Variants in RPH3A observed in about 807,000 individuals in gnomAD.
RPH3A encodes the protein rabphilin-3A.
In RPH3A, 48 loss-of-function variants were observed where a neutral mutation model predicts 102.2. The observed-to-expected ratio is 0.47, with a 90% CI of 0.37 to 0.60. The LOEUF (loss-of-function observed/expected upper bound fraction) is 0.60. RPH3A is among the 20% of genes least tolerant of loss of function. RPH3A has a pLI of 0.00. For synonymous variants in RPH3A, 310 were observed against 324.3 expected, an observed-to-expected ratio of 0.96 and a Z score of 0.47; for missense variants, 781 against 910.1, an observed-to-expected ratio of 0.86 and a Z score of 1.83.
chr12:112,873,064 C>G (rs1290283012), intron 10 of RPH3A, among the ~76,000 whole-genome samples: 5 of 152,200 alleles, frequency 3.3e-5, no homozygotes, highest in African/African-American at 9.7e-5. Flanking sequence ...AATTTTATCT[C>G]TTGCTCATCA....
At chr12:112,690,031 G>A (rs1044232530) in intron 1 of RPH3A, among the ~76,000 whole-genome samples, 1 of 152,084 alleles carries the variant, frequency 6.6e-6, no homozygotes. Context: ...GAATATTTTA[G>A]TTTTCTTCCA....
intron 2 of RPH3A, among the ~76,000 whole-genome samples, chr12:112,811,347 C>T (rs2041571722): frequency 6.6e-6 from 1 of 152,078 alleles, no homozygotes; most frequent in Admixed American, 6.6e-5. Context: ...AGCATGAGGC[C>T]TTTATTCAGT....
At chr12:112,674,059 T>C (rs571354045) in intron 1 of RPH3A, among the ~76,000 whole-genome samples, 1 of 152,288 alleles carries the variant, frequency 6.6e-6, no homozygotes, top group South Asian at 2.1e-4. Flanking sequence ...GCACTCAGCC[T>C]ATTTTTTAAT....
intron 2 of RPH3A, among the ~76,000 whole-genome samples, chr12:112,800,882 C>T (rs932546570): frequency 1.3e-5 from 2 of 152,148 alleles, no homozygotes; most frequent in African/African-American, 4.8e-5. Flanking sequence ...TGTGCAGAGT[C>T]AAGGCCGTTC....
At chr12:112,809,940 G>A (rs2041540105) in intron 2 of RPH3A, among the ~76,000 whole-genome samples, 1 of 152,120 alleles carries the variant, frequency 6.6e-6, no homozygotes, top group African/African-American at 2.4e-5. Flanking sequence ...TAACCACAAT[G>A]CCTCCTCCTG....
chr12:112,845,716 T>C (rs2042218221), intron 4 of RPH3A, among the ~76,000 whole-genome samples: 1 of 152,198 alleles, frequency 6.6e-6, no homozygotes, highest in South Asian at 2.1e-4. Context: ...TGTCAGAGAA[T>C]GATCTAAATG....
In RPH3A at chr12:112,626,562, G is replaced by A. The variant is rs2039768303; in HGVS notation, c.-140+51243G>A. ...ATCATTAAAAAGTCAGGAAACAACA[G>A]GTGCTGGAGAGGATATGGAGAAATA... On this transcript the variant is annotated intron_variant, in intron 1 of 21. Transcript: ENST00000543106. Among the ~76,000 whole-genome samples, 8 of 148,202 alleles carry A rather than the reference G, an allele frequency of 5.4e-5. No homozygotes were observed. The South Asian group carries it at 1.8e-3, about 33-fold the overall frequency.
chr12:112,688,279 T>C (rs2040281776), intron 1 of RPH3A, among the ~76,000 whole-genome samples: 1 of 152,308 alleles, frequency 6.6e-6, no homozygotes, highest in East Asian at 1.9e-4. Context: ...CAGGATTATG[T>C]CAAAATGTTG....
intron 1 of RPH3A, among the ~76,000 whole-genome samples, chr12:112,683,189 A>C (rs148261958): frequency 7.2e-5 from 11 of 152,308 alleles, no homozygotes; most frequent in Admixed American, 6.5e-4. Context: ...TTACGGGCCG[A>C]ACTGGGATCT....
At chr12:112,847,564 C>A in intron 4 of RPH3A, 132 bp from the exon 5 acceptor site, 1 of 985,308 alleles carries the variant, frequency 1.0e-6, no homozygotes, top group Non-Finnish European at 1.5e-6. Flanking sequence ...TGTCCCATTG[C>A]AGAGAGGAGC....
chr12:112,598,343 AG>A, intron 1 of RPH3A, among the ~76,000 whole-genome samples: 1 of 152,314 alleles, frequency 6.6e-6, no homozygotes, highest in Middle Eastern at 3.4e-3. Context: ...CAGTGTGCAA[AG>A]AAAGGTGTTA....
chr12:112,695,796 C>T (rs2040346928), intron 1 of RPH3A, among the ~76,000 whole-genome samples: 1 of 152,176 alleles, frequency 6.6e-6, no homozygotes, highest in African/African-American at 2.4e-5. Flanking sequence ...CATCTCTATC[C>T]CAGGAGACCT....
At chr12:112,621,576 G>A (rs1592911786) in intron 1 of RPH3A, among the ~76,000 whole-genome samples, 1 of 149,016 alleles carries the variant, frequency 6.7e-6, no homozygotes, top group South Asian at 2.2e-4. Context: ...GAGTCTCTCT[G>A]ATTGCTAGCA....
chr12:112,732,292 T>C (rs1367502526), intron 1 of RPH3A, among the ~76,000 whole-genome samples: 1 of 152,196 alleles, frequency 6.6e-6, no homozygotes. Flanking sequence ...AGGTGGAGGA[T>C]GAACACGCTC....
chr12:112,747,919 G>C (rs932807776), intron 1 of RPH3A, among the ~76,000 whole-genome samples: 7 of 152,198 alleles, frequency 4.6e-5, no homozygotes, highest in African/African-American at 1.4e-4. Context: ...GCAGCCAGGA[G>C]CCCCTTCTTG....
intron 2 of RPH3A, among the ~76,000 whole-genome samples, chr12:112,814,251 A>C (rs763761934): frequency 3.3e-5 from 5 of 151,994 alleles, no homozygotes; most frequent in Non-Finnish European, 5.9e-5. Flanking sequence ...TTCCTGCTTG[A>C]TCACAGGGTC....
At chr12:112,871,747 A>G (rs978953958) in intron 10 of RPH3A, among the ~76,000 whole-genome samples, 2 of 149,192 alleles carry the variant, frequency 1.3e-5, no homozygotes, top group Admixed American at 1.3e-4. Flanking sequence ...TATATATACA[A>G]TAGAATATAT....
intron 1 of RPH3A, among the ~76,000 whole-genome samples, chr12:112,612,927 C>T (rs1455242989): frequency 6.6e-6 from 1 of 152,000 alleles, no homozygotes; most frequent in East Asian, 1.9e-4. Context: ...CCAAAGAGAG[C>T]ACCCAGGTAT....
chr12:112,787,973 A>G (rs2041062678), upstream of RPH3A, among the ~76,000 whole-genome samples: 1 of 152,240 alleles, frequency 6.6e-6, no homozygotes, highest in African/African-American at 2.4e-5. Context: ...CTATCATTGA[A>G]TGAAGCCTCG....
Sources: allele counts gnomAD v4.1 joint callset (sites outside exome capture counted in the v4.1 genomes callset), GRCh38; gene constraint gnomAD v4.1.1; transcripts MANE v1.5; gene names NCBI Gene and HGNC (gene_info 2026-07-23, HGNC 2026-07-21).